Variants in SYT14 observed in about 807,000 individuals in gnomAD.
SYT14 encodes the protein synaptotagmin-14.
SYT14 carries 32 observed loss-of-function variants against 74.2 expected under a neutral mutation model. The observed-to-expected ratio is 0.43, with a 90% CI of 0.33 to 0.58. The LOEUF (loss-of-function observed/expected upper bound fraction) is 0.58. SYT14 is among the 20% of genes least tolerant of loss of function. The probability of loss-of-function intolerance (pLI) is 0.05; values close to 1 mark genes in which losing one functional copy is unlikely to be tolerated. For synonymous variants in SYT14, 298 were observed against 337.7 expected (o/e 0.88, Z 1.29); for missense variants, 791 against 981.8 (o/e 0.81, Z 2.60).
rs140779786 is a variant in SYT14, at chr1:209,939,675, A to G, written c.-534+1398A>G. 2.8e-3 allele frequency among the ~76,000 whole-genome samples: 424 copies of G among 152,318 alleles called. 2 individuals are homozygous for G. Among genetic ancestry groups the G allele is most frequent in the African/African-American group, 9.6e-3 (398 of 41,578 alleles). ...CCAAACCCACTGATTTATGTTGTGT[A>G]CTTTATTTTCCCAACTAGTTTGTGG... On this transcript the variant is annotated intron_variant, in intron 1 of 9. Coordinates refer to ENST00000637265, the Ensembl canonical transcript of SYT14.
chr1:209,964,466 A>G (rs1315892713), intron 2 of SYT14, among the ~76,000 whole-genome samples: 1 of 152,030 alleles, frequency 6.6e-6, no homozygotes, highest in Admixed American at 6.6e-5. Flanking sequence ...CACTGCTTTT[A>G]TTATTGAGGC....
intron 2 of SYT14, among the ~76,000 whole-genome samples, chr1:209,959,889 T>C (rs567006155): frequency 8.4e-4 from 128 of 152,304 alleles, no homozygotes; most frequent in African/African-American, 2.8e-3. Context: ...CACTGAATTA[T>C]GCACTTTGGT....
chr1:209,973,248 A>G (rs905880848), intron 2 of SYT14, among the ~76,000 whole-genome samples: 1 of 151,816 alleles, frequency 6.6e-6, no homozygotes, highest in African/African-American at 2.4e-5. Context: ...TTTAGGGTAC[A>G]TGTGCACAAC....
chr1:210,079,520 C>T (rs1000196581), intron 5 of SYT14, among the ~76,000 whole-genome samples: 9 of 152,142 alleles, frequency 5.9e-5, no homozygotes, highest in Non-Finnish European at 1.3e-4. Context: ...CCACTTGTGG[C>T]TCATTTGGGC....
chr1:209,960,103 A>G (rs899574177), intron 2 of SYT14, among the ~76,000 whole-genome samples: 1 of 152,168 alleles, frequency 6.6e-6, no homozygotes, highest in Non-Finnish European at 1.5e-5. Context: ...GAATGTATAT[A>G]CTAATATATG....
intron 5 of SYT14, among the ~76,000 whole-genome samples, chr1:210,091,536 T>A (rs2081867633): frequency 6.6e-6 from 1 of 152,094 alleles, no homozygotes; most frequent in South Asian, 2.1e-4. Flanking sequence ...AAACAGTTTT[T>A]AAAATTAGCC....
chr1:209,967,779 A>G (rs2079178241), intron 2 of SYT14, among the ~76,000 whole-genome samples: 1 of 151,836 alleles, frequency 6.6e-6, no homozygotes, highest in Non-Finnish European at 1.5e-5. Context: ...GATTTTGCCT[A>G]TTGTGTATCT....
At chr1:210,089,009 T>C (rs930868181) in intron 5 of SYT14, among the ~76,000 whole-genome samples, 5 of 151,914 alleles carry the variant, frequency 3.3e-5, no homozygotes, top group Non-Finnish European at 5.9e-5. Context: ...AGGTATTTCT[T>C]CTAATGCTAT....
intron 7 of SYT14, among the ~76,000 whole-genome samples, chr1:210,113,515 A>G (rs1375814893): frequency 6.6e-6 from 1 of 151,364 alleles, no homozygotes; most frequent in African/African-American, 2.5e-5. Flanking sequence ...CAGGCAAGTG[A>G]TAACAGGCTT....
intron 2 of SYT14, among the ~76,000 whole-genome samples, chr1:210,008,425 G>A (rs768635520): frequency 3.3e-5 from 5 of 151,880 alleles, no homozygotes; most frequent in Admixed American, 6.6e-5. Flanking sequence ...ATGCAGTGGC[G>A]CGATCTCAGC....
chr1:209,961,458 T>C (rs935953157), intron 2 of SYT14, among the ~76,000 whole-genome samples: 1 of 152,156 alleles, frequency 6.6e-6, no homozygotes, highest in African/African-American at 2.4e-5. Flanking sequence ...AATAAGGAGA[T>C]ATGGATTAAG....
At chr1:209,972,988 T>C (rs1268835007) in intron 2 of SYT14, among the ~76,000 whole-genome samples, 10 of 152,196 alleles carry the variant, frequency 6.6e-5, no homozygotes, top group Non-Finnish European at 1.5e-4. Context: ...AGTCTTTTCA[T>C]AGGTCTAGAA....
chr1:209,981,195 G>A (rs974014233), intron 2 of SYT14, among the ~76,000 whole-genome samples: 7 of 151,968 alleles, frequency 4.6e-5, no homozygotes, highest in Non-Finnish European at 1.0e-4. Context: ...TTTTTATTGT[G>A]TGGAAGCTGT....
intron 5 of SYT14, among the ~76,000 whole-genome samples, chr1:210,050,162 CGTCTTGAATG>C (rs748429644): frequency 3.3e-5 from 5 of 152,200 alleles, no homozygotes; most frequent in Non-Finnish European, 7.3e-5. Context: ...CACAAAGTCA[CGTCTTGAATG>C]CTTTTCTGCT....
intron 2 of SYT14, among the ~76,000 whole-genome samples, chr1:209,989,317 C>G (rs1171027115): frequency 6.6e-6 from 1 of 151,974 alleles, no homozygotes. Context: ...AACTGAGAGT[C>G]CTGGATTAGA....
At chr1:210,140,168 G>C (rs1194630272) in intron 7 of SYT14, among the ~76,000 whole-genome samples, 1 of 152,028 alleles carries the variant, frequency 6.6e-6, no homozygotes, top group African/African-American at 2.4e-5. Context: ...GGTATAAAGT[G>C]GTATCTTATT....
intron 2 of SYT14, among the ~76,000 whole-genome samples, chr1:209,955,834 G>T (rs1363233708): frequency 2.0e-5 from 3 of 151,996 alleles, no homozygotes; most frequent in Non-Finnish European, 4.4e-5. Flanking sequence ...AATCCATTGT[G>T]GTTCAAAATT....
At chr1:210,031,740 G>A (rs2080540609) in intron 5 of SYT14, among the ~76,000 whole-genome samples, 1 of 152,092 alleles carries the variant, frequency 6.6e-6, no homozygotes, top group South Asian at 2.1e-4. Context: ...ATTGTGGCCA[G>A]TTGTGGTGGA....
At chr1:210,097,179 G>GT (rs2081981991) in intron 6 of SYT14, among the ~76,000 whole-genome samples, 1 of 152,120 alleles carries the variant, frequency 6.6e-6, no homozygotes, top group Non-Finnish European at 1.5e-5. Flanking sequence ...GTTTTTTCAA[G>GT]TTTATTTTGC....
Sources: gnomAD v4.1 joint callset for allele counts (sites outside exome capture counted in the v4.1 genomes callset) on GRCh38, gnomAD v4.1.1 for gene constraint, MANE v1.5 for transcripts, NCBI Gene and HGNC (gene_info 2026-07-23, HGNC 2026-07-21) for gene names.